FRAS1: variants seen among roughly 807,000 people sequenced by gnomAD.
The protein encoded by FRAS1 is Fraser extracellular matrix complex subunit 1.
A neutral mutation model predicts 435.2 loss-of-function variants in FRAS1; 290 were observed. The observed-to-expected ratio is 0.67, with a 90% CI of 0.61 to 0.73. The LOEUF is 0.73. Among genes scored for constraint, FRAS1 ranks in the 30% least tolerant of loss-of-function variants. FRAS1 has a pLI of 0.00. For missense variants in FRAS1, 4,860 were observed against 5,001.5 expected (o/e 0.97, Z 0.85); for synonymous variants, 1,800 against 1,851.0 (o/e 0.97, Z 0.71).
intron 41 of FRAS1, chr4:78,444,294 T>C (rs1211912565): frequency 1.1e-5 from 3 of 284,874 alleles, no homozygotes; most frequent in Non-Finnish European, 2.1e-5. Flanking sequence ...CTAATGATTA[T>C]TGGGTCACTG....
intron 2 of FRAS1, among the ~76,000 whole-genome samples, chr4:78,231,324 T>A (rs965861664): frequency 2.6e-5 from 4 of 151,356 alleles, no homozygotes; most frequent in African/African-American, 9.7e-5. Context: ...TATATCTTTG[T>A]TGTTGAAAAA....
At chr4:78,165,170 C>A (rs1721285853) in intron 2 of FRAS1, among the ~76,000 whole-genome samples, 1 of 152,166 alleles carries the variant, frequency 6.6e-6, no homozygotes, top group Non-Finnish European at 1.5e-5. Context: ...AGAGCTGACC[C>A]AGTGACCTTT....
intron 2 of FRAS1, among the ~76,000 whole-genome samples, chr4:78,133,032 G>A (rs1719754800): frequency 6.6e-6 from 1 of 152,092 alleles, no homozygotes; most frequent in African/African-American, 2.4e-5. Flanking sequence ...CTGAGATCAC[G>A]CCACTGCACT....
intron 62 of FRAS1, among the ~76,000 whole-genome samples, chr4:78,508,116 A>C (rs919718476): frequency 2.0e-5 from 3 of 152,208 alleles, no homozygotes; most frequent in Non-Finnish European, 4.4e-5. Flanking sequence ...ACCTGTGGGA[A>C]GGTAGTACCA....
intron 2 of FRAS1, among the ~76,000 whole-genome samples, chr4:78,191,715 C>T (rs980125248): frequency 5.9e-5 from 9 of 151,936 alleles, no homozygotes; most frequent in African/African-American, 9.7e-5. Context: ...CAACAGGCCC[C>T]GGTGTGTGAT....
intron 20 of FRAS1, among the ~76,000 whole-genome samples, chr4:78,360,652 A>G (rs1002914548): frequency 1.3e-5 from 2 of 152,180 alleles, no homozygotes; most frequent in Non-Finnish European, 2.9e-5. Context: ...TCACCTGGGA[A>G]GGCATGAATG....
chr4:78,308,524 C>T (rs2110220962), intron 15 of FRAS1, among the ~76,000 whole-genome samples: 1 of 152,330 alleles, frequency 6.6e-6, no homozygotes, highest in South Asian at 2.1e-4. Flanking sequence ...CCCAGGCTTT[C>T]CTTTCCCCAG....
At chr4:78,290,462 T>TTTC (rs1491466966) in intron 14 of FRAS1, among the ~76,000 whole-genome samples, 935 of 57,246 alleles carry the variant, frequency 0.016, 7 homozygotes, top group African/African-American at 0.056. Context: ...TCTTTCTTTC[T>TTTC]TTTTTTTTTT....
intron 14 of FRAS1, among the ~76,000 whole-genome samples, chr4:78,298,054 T>TA (rs1728228460): frequency 1.6e-5 from 2 of 127,686 alleles, no homozygotes; most frequent in Non-Finnish European, 3.4e-5. Flanking sequence ...ATATATATAT[T>TA]ACTAATCCTC....
intron 19 of FRAS1, among the ~76,000 whole-genome samples, chr4:78,335,186 C>T (rs145886648): frequency 1.5e-3 from 223 of 152,226 alleles, no homozygotes; most frequent in African/African-American, 5.2e-3. Flanking sequence ...AATAAACCAC[C>T]CTAAATTTGT....
intron 19 of FRAS1, among the ~76,000 whole-genome samples, chr4:78,333,842 A>G (rs1730045841): frequency 6.6e-6 from 1 of 152,186 alleles, no homozygotes. Context: ...TGCTGTTGCC[A>G]AGCTGGAGTG....
chr4:78,146,185 T>G (rs890934327), intron 2 of FRAS1, among the ~76,000 whole-genome samples: 2 of 152,148 alleles, frequency 1.3e-5, no homozygotes, highest in Non-Finnish European at 2.9e-5. Flanking sequence ...AAATTTCAAA[T>G]AGTAAAATAA....
intron 2 of FRAS1, among the ~76,000 whole-genome samples, chr4:78,069,894 C>A: frequency 6.6e-6 from 1 of 151,866 alleles, no homozygotes; most frequent in Non-Finnish European, 1.5e-5. Flanking sequence ...AGAGTTCAAA[C>A]CTGGTTCTTA....
intron 14 of FRAS1, among the ~76,000 whole-genome samples, chr4:78,290,884 A>C (rs1408253659): frequency 2.1e-5 from 3 of 145,222 alleles, no homozygotes; most frequent in Non-Finnish European, 4.5e-5. Flanking sequence ...CTCCTGCCTC[A>C]GCCTTCCAAG....
At chr4:78,398,224 T>C (rs1264793594) in intron 29 of FRAS1, among the ~76,000 whole-genome samples, 1 of 152,228 alleles carries the variant, frequency 6.6e-6, no homozygotes, top group Non-Finnish European at 1.5e-5. Context: ...GACATAAATA[T>C]TCTAAAAGGC....
chr4:78,434,127 T>C (rs982287205), intron 38 of FRAS1, among the ~76,000 whole-genome samples: 1 of 152,194 alleles, frequency 6.6e-6, no homozygotes, highest in African/African-American at 2.4e-5. Flanking sequence ...GTAGAAAGAT[T>C]GGAAAAGCCA....
intron 71 of FRAS1, among the ~76,000 whole-genome samples, chr4:78,535,276 T>C (rs1721846286): frequency 2.0e-5 from 3 of 152,168 alleles, no homozygotes; most frequent in African/African-American, 7.2e-5. Context: ...CTGCCTCTGG[T>C]CATCCCCATG....
chr4:78,344,319 T>G (rs1486682193), intron 20 of FRAS1, among the ~76,000 whole-genome samples: 1 of 152,104 alleles, frequency 6.6e-6, no homozygotes, highest in East Asian at 1.9e-4. Context: ...ATTTTACCAT[T>G]TAACATTCGC....
At chr4:78,078,565 AAG>A (rs1323886204) in intron 2 of FRAS1, among the ~76,000 whole-genome samples, 1 of 152,160 alleles carries the variant, frequency 6.6e-6, no homozygotes, top group East Asian at 1.9e-4. Flanking sequence ...TAAAACTAAA[AAG>A]AAAAAATAAA....
Sources: allele counts gnomAD v4.1 joint callset (sites outside exome capture counted in the v4.1 genomes callset), GRCh38; gene constraint gnomAD v4.1.1; transcripts MANE v1.5; gene names NCBI Gene and HGNC (gene_info 2026-07-23, HGNC 2026-07-21).